Variants in CTIF observed in about 807,000 individuals in gnomAD.
CTIF encodes the protein CBP80/20-dependent translation initiation factor.
Under a neutral mutation model 66.0 loss-of-function variants are expected in CTIF, and 21 were observed. That is an observed-to-expected ratio of 0.32 (90% CI 0.23 to 0.46). The LOEUF is 0.46. CTIF is among the 20% of genes least tolerant of loss of function. The pLI is 1.00. For synonymous variants in CTIF, 345 were observed against 326.4 expected, an observed-to-expected ratio of 1.06 and a Z score of -0.62; for missense variants, 739 against 812.7, an observed-to-expected ratio of 0.91 and a Z score of 1.10.
chr18:48,798,402 G>A lies in CTIF; in HGVS notation c.1372-18819G>A, dbSNP rs148501160. On this transcript the variant is annotated intron_variant, in intron 9 of 11. Coordinates refer to ENST00000256413, the MANE Select transcript of CTIF (RefSeq NM_014772.3). ...CGGTTTGGGGTTCATCACACATAAG[G>A]GCTCGTGCTTTTTTGAAAACCATGC... is the stretch of plus-strand genomic sequence containing the variant. Among the ~76,000 whole-genome samples, 786 of 152,280 alleles carry A rather than the reference G, an allele frequency of 5.2e-3. 9 individuals are homozygous for A. The highest frequency in any genetic ancestry group is 0.017 in the African/African-American group (721 of 41,550).
chr18:48,626,590 C>T (rs2090603907), intron 2 of CTIF, among the ~76,000 whole-genome samples: 1 of 145,054 alleles, frequency 6.9e-6, no homozygotes, highest in South Asian at 2.3e-4. Flanking sequence ...TTGTGATCCC[C>T]TCCCATGGCC....
chr18:48,575,964 G>A lies in CTIF; in HGVS notation c.-29+36652G>A, dbSNP rs895567748. Among the ~76,000 whole-genome samples, 8 of 152,348 alleles carry A rather than the reference G, an allele frequency of 5.3e-5. No individual in the cohort carries two copies. The East Asian group carries it at 1.5e-3, about 29-fold the overall frequency. On this transcript the variant is annotated intron_variant, in intron 1 of 11. Coordinates refer to ENST00000256413, the MANE Select transcript of CTIF (RefSeq NM_014772.3). ...TGGGGAGCCAACCACAAACATTTGT[G>A]GAGACCCACACATGCCAGGCAGGGC... is the stretch of plus-strand genomic sequence containing the variant.
In CTIF at chr18:48,817,363, C is replaced by A. The variant is rs1283213934; in HGVS notation, c.1514C>A (p.Thr505Asn). The change falls in exon 10 of 12, where the codon ACC becomes AAC. Residue 505 changes from threonine to asparagine, a missense_variant. By Grantham distance (65) the Thr-to-Asn change is moderately conservative. Around this residue, in one of 2 missense-constraint regions of CTIF, gnomAD observed 210 missense variants for 292.3 expected, o/e 0.72. Transcript: ENST00000256413. ...PFRVLVCPIY[T>N]CLRELLQSQD... ...CGTGTGCTCGTGTGCCCCATCTACA[C>A]CTGCCTCAGGGAGGTAAGAGACCTG... is the stretch of plus-strand genomic sequence containing the variant. 6.2e-7 allele frequency: 1 copy of A among 1,612,276 alleles called. No homozygotes were observed. Among genetic ancestry groups the A allele is most frequent in the Non-Finnish European group, 8.5e-7 (1 of 1,179,336 alleles).
chr18:48,697,843 A>G (rs2092029124), intron 6 of CTIF, among the ~76,000 whole-genome samples: 1 of 151,982 alleles, frequency 6.6e-6, no homozygotes, highest in African/African-American at 2.4e-5. Context: ...TAAGCCAGAA[A>G]GCACCTCCAC....
intron 9 of CTIF, among the ~76,000 whole-genome samples, chr18:48,799,973 T>C (rs2068015343): frequency 6.6e-6 from 1 of 152,174 alleles, no homozygotes; most frequent in African/African-American, 2.4e-5. Context: ...CAGTGAGGGA[T>C]GTCACAAGAG....
intron 1 of CTIF, among the ~76,000 whole-genome samples, chr18:48,550,536 G>T (rs1047301658): frequency 6.6e-6 from 1 of 152,182 alleles, no homozygotes; most frequent in Non-Finnish European, 1.5e-5. Context: ...AGCCCAGGCC[G>T]TGGGGCTGAC....
At chr18:48,849,043 G>C (rs908897234) in intron 10 of CTIF, among the ~76,000 whole-genome samples, 4 of 152,178 alleles carry the variant, frequency 2.6e-5, no homozygotes, top group African/African-American at 9.6e-5. Context: ...ACTCTGATGA[G>C]TGGGCTGCTC....
In CTIF at chr18:48,836,531, G is replaced by A. The variant is rs1428376637; in HGVS notation, c.1527+19155G>A. On this transcript the variant is annotated intron_variant, in intron 10 of 11. Transcript: ENST00000256413. ...CTGGGCGATTATGAGGCACCAGTGA[G>A]TGAGATCCCCAACCAACCCCATCAC... 2.0e-5 allele frequency among the ~76,000 whole-genome samples: 3 copies of A among 152,188 alleles called. No homozygotes were observed. In the East Asian group the frequency reaches 5.8e-4, roughly 29 times the overall value.
intron 1 of CTIF, among the ~76,000 whole-genome samples, chr18:48,611,566 T>A (rs75622041): frequency 1.3e-5 from 2 of 152,194 alleles, no homozygotes; most frequent in Non-Finnish European, 2.9e-5. Flanking sequence ...CTATTTCAAG[T>A]GTAGTTCTCT....
intron 10 of CTIF, among the ~76,000 whole-genome samples, chr18:48,852,275 C>G (rs2069222683): frequency 6.9e-6 from 1 of 145,922 alleles, no homozygotes; most frequent in South Asian, 2.2e-4. Context: ...TCCAGCAAGA[C>G]CACACAGAAT....
At chr18:48,550,923 C>T (rs1224433715) in intron 1 of CTIF, among the ~76,000 whole-genome samples, 1 of 152,036 alleles carries the variant, frequency 6.6e-6, no homozygotes, top group Non-Finnish European at 1.5e-5. Flanking sequence ...TGCACAGTGC[C>T]CTGGACGAGA....
In CTIF at chr18:48,568,688, G is replaced by C. The variant is rs141626402; in HGVS notation, c.-29+29376G>C. Among the ~76,000 whole-genome samples the C allele has an allele frequency of 4.2e-3, 516 of 124,266 alleles. 4 individuals are homozygous for C. Among genetic ancestry groups the C allele is most frequent in the African/African-American group, 0.014 (485 of 34,978 alleles). The allele number at this position is 124,266 out of a possible 152,430, so 81.5% of individuals were successfully genotyped here. The stretch of plus-strand genomic sequence containing the variant: ...AAAAAAGAGGTTTAATGGACTCACA[G>C]TTCCACATGTCTGGGGAGGCCTCAC... On this transcript the variant is annotated intron_variant, in intron 1 of 11. Transcript: ENST00000256413.
At chr18:48,796,577 G>A (rs542067570) in intron 9 of CTIF, among the ~76,000 whole-genome samples, 1 of 152,294 alleles carries the variant, frequency 6.6e-6, no homozygotes, top group African/African-American at 2.4e-5. Context: ...TGGAGATGGT[G>A]AGAACAGAAA....
At chr18:48,544,088 T>C (rs1333001602) in intron 1 of CTIF, among the ~76,000 whole-genome samples, 1 of 152,212 alleles carries the variant, frequency 6.6e-6, no homozygotes, top group Non-Finnish European at 1.5e-5. Flanking sequence ...TGTACTTTTC[T>C]AGGAAGAGAA....
chr18:48,573,873 T>A (rs560129938), intron 1 of CTIF, among the ~76,000 whole-genome samples: 1 of 152,356 alleles, frequency 6.6e-6, no homozygotes, highest in African/African-American at 2.4e-5. Context: ...CTGCTCACCA[T>A]GCCTCTGGCC....
intron 2 of CTIF, among the ~76,000 whole-genome samples, chr18:48,633,717 A>G (rs549876293): frequency 6.6e-6 from 1 of 151,506 alleles, no homozygotes; most frequent in Admixed American, 6.6e-5. Flanking sequence ...ATAAATAAAT[A>G]AATAAATAAA....
rs889225049 is a variant in CTIF, at chr18:48,829,620, G to C, written c.1527+12244G>C. Among the ~76,000 whole-genome samples, 6 of 152,240 alleles carry C rather than the reference G, an allele frequency of 3.9e-5. 1 individual carries two copies. The highest frequency in any genetic ancestry group is 1.3e-4 in the Admixed American group (2 of 15,286). On this transcript the variant is annotated intron_variant, in intron 10 of 11. Coordinates refer to ENST00000256413, the MANE Select transcript of CTIF (RefSeq NM_014772.3). ...CTCCAGCACAGGTGCCCTCCATCTAGCAGTTGGGGTGCCGAGTGCTGGACC... is the reference window on the plus strand; with the variant it reads ...CTCCAGCACAGGTGCCCTCCATCTACCAGTTGGGGTGCCGAGTGCTGGACC...
rs560802966 is a variant in CTIF, at chr18:48,667,718, C to T, written c.432-2951C>T. Among the ~76,000 whole-genome samples the T allele has an allele frequency of 9.8e-4, 150 of 152,324 alleles. 1 individual carries two copies. The highest frequency in any genetic ancestry group is 3.5e-3 in the African/African-American group (144 of 41,562). ...TCACCAGCTGTGGGCCTAAATTCCT[C>T]GGCCAGTCTCACTTTCTCACCAGGA... On this transcript the variant is annotated intron_variant, in intron 5 of 11. Transcript: ENST00000256413.
Position 48,712,282 on chromosome 18 carries a change from G to A in CTIF, c.584+587G>A, listed in dbSNP as rs900178319. 6.6e-5 allele frequency among the ~76,000 whole-genome samples: 10 copies of A among 152,238 alleles called. No homozygotes were observed. The South Asian group carries it at 1.7e-3, about 25-fold the overall frequency. On this transcript the variant is annotated intron_variant, in intron 7 of 11. Coordinates refer to ENST00000256413, the MANE Select transcript of CTIF (RefSeq NM_014772.3). The stretch of plus-strand genomic sequence containing the variant: ...GATCTCCTGTGGAGCTCAGACTCCC[G>A]AGTGACAATGGGGCCAGGAAAGGGG...
Sources: allele counts gnomAD v4.1 joint callset (sites outside exome capture counted in the v4.1 genomes callset), GRCh38; gene constraint gnomAD v4.1.1; regional missense constraint gnomAD v4.1.1; transcripts MANE v1.5; gene names NCBI Gene and HGNC (gene_info 2026-07-23, HGNC 2026-07-21).